Variants in SCN2A observed in about 807,000 individuals in gnomAD.
The protein encoded by SCN2A is sodium channel protein type 2 subunit alpha.
SCN2A carries 20 observed loss-of-function variants against 188.7 expected under a neutral mutation model. The observed-to-expected ratio is 0.11, with a 90% CI of 0.07 to 0.15. The LOEUF (loss-of-function observed/expected upper bound fraction) is 0.15. SCN2A is among the 10% of genes least tolerant of loss of function. The pLI, the probability that SCN2A is intolerant of heterozygous loss-of-function variation, is 1.00. For missense variants in SCN2A, 1,278 were observed against 2,445.0 expected (o/e 0.52, Z 10.07); for synonymous variants, 804 against 833.1 (o/e 0.97, Z 0.60).
chr2:165,353,837 G>A (rs1574663205), intron 16 of SCN2A, among the ~76,000 whole-genome samples: 1 of 152,104 alleles, frequency 6.6e-6, no homozygotes, highest in African/African-American at 2.4e-5. Flanking sequence ...AATTCCACAT[G>A]AGACTTGGGA....
At chr2:165,364,682 T>C (rs993191872) in intron 17 of SCN2A, among the ~76,000 whole-genome samples, 2 of 152,242 alleles carry the variant, frequency 1.3e-5, no homozygotes, top group African/African-American at 4.8e-5. Flanking sequence ...TAAATTTAGA[T>C]GGTTGCTGTT....
chr2:165,258,975 C>T (rs374113534), intron 1 of SCN2A, among the ~76,000 whole-genome samples: 7 of 152,112 alleles, frequency 4.6e-5, no homozygotes, highest in Admixed American at 2.0e-4. Context: ...CAGAAAAGTG[C>T]TTATTGGGTA....
chr2:165,253,096 G>C (rs1694164987), intron 1 of SCN2A, among the ~76,000 whole-genome samples: 1 of 151,978 alleles, frequency 6.6e-6, no homozygotes, highest in African/African-American at 2.4e-5. Context: ...ATGGGGAAGG[G>C]TCATTCTTTA....
Position 165,375,022 on chromosome 2 carries a change from TTTCTTCCTCATAATGAGATA to T in SCN2A, c.4254+58_4254+77del, listed in dbSNP as rs1701236493. 18 of 1,487,376 alleles carry T rather than the reference TTTCTTCCTCATAATGAGATA, an allele frequency of 1.2e-5. No homozygotes were observed. In the East Asian group the frequency reaches 4.1e-4, roughly 34 times the overall value. The allele number at this position is 1,487,376 out of a possible 1,614,324, so 92.1% of individuals were successfully genotyped here. Reference sequence around the variant, plus strand: ...GTGTAATTAAAATGAGTCTAAAGTTTTTCTTCCTCATAATGAGATATCCACCTGTTAGAATGGCTATTATC... The same window carrying T: ...GTGTAATTAAAATGAGTCTAAAGTTTTCCACCTGTTAGAATGGCTATTATC... On this transcript the variant is annotated intron_variant, in intron 22 of 26. Transcript: ENST00000375437.
intron 1 of SCN2A, among the ~76,000 whole-genome samples, chr2:165,287,230 G>T (rs1170965717): frequency 6.6e-6 from 1 of 152,176 alleles, no homozygotes; most frequent in Non-Finnish European, 1.5e-5. Context: ...CCTAGTTATG[G>T]CCTGGTTACG....
chr2:165,280,317 A>G (rs1340773673), intron 1 of SCN2A, among the ~76,000 whole-genome samples: 1 of 152,156 alleles, frequency 6.6e-6, no homozygotes, highest in Non-Finnish European at 1.5e-5. Flanking sequence ...TGTCCTAAGC[A>G]CTAGCGATAG....
intron 25 of SCN2A, among the ~76,000 whole-genome samples, chr2:165,385,130 C>T (rs185208944): frequency 1.3e-5 from 2 of 152,078 alleles, no homozygotes; most frequent in East Asian, 3.9e-4. Context: ...TGTTTGATGT[C>T]CAAAAATCAC....
intron 15 of SCN2A, 55 bp from the exon 16 acceptor site, chr2:165,344,500 T>A (rs1699469319): frequency 8.9e-7 from 1 of 1,126,586 alleles, no homozygotes; most frequent in Non-Finnish European, 1.2e-6. Context: ...AAAATAAAAT[T>A]GCAGATTTTT....
chr2:165,263,161 G>T (rs1367240352), intron 1 of SCN2A, among the ~76,000 whole-genome samples: 1 of 152,148 alleles, frequency 6.6e-6, no homozygotes, highest in Non-Finnish European at 1.5e-5. Context: ...CAGATGTATA[G>T]ATTGTGAATA....
rs1696541870 is a variant in SCN2A at position 165,296,913 on chromosome 2, T to TG, written c.268-104_268-103insG. 5.8e-6 allele frequency: 4 copies of TG among 688,938 alleles called. No individual in the cohort carries two copies. The South Asian group carries it at 7.2e-5, about 12-fold the overall frequency. 42.7% of individuals were successfully genotyped at this position (688,938 alleles called of 1,614,324 possible). ...TGATGGTAATTATTATGTTATACAC[T>TG]ATTTTACAGGGCAATATTTATAAAT... On this transcript the variant is annotated intron_variant, in intron 2 of 26. Coordinates refer to ENST00000375437, the MANE Select transcript of SCN2A (RefSeq NM_001040142.2).
chr2:165,301,004 A>G (rs1462888291), intron 3 of SCN2A, among the ~76,000 whole-genome samples: 1 of 152,140 alleles, frequency 6.6e-6, no homozygotes, highest in African/African-American at 2.4e-5. Context: ...AATGTCATCA[A>G]ATTTTGAGGT....
Position 165,323,379 on chromosome 2 carries a change from C to A in SCN2A, c.1895C>A (p.Ser632Tyr). Residue 632 changes from serine to tyrosine, a missense_variant, in exon 12 of 27, where the codon TCC becomes TAC. Ser to Tyr is a moderately radical substitution (Grantham distance 144). Transcript: ENST00000375437. ...AATGTCAGCCAGGCCAGCCGTGCCTCCAGGGTGCTCCCCATCCTGCCCATG... is the reference window on the plus strand; with the variant it reads ...AATGTCAGCCAGGCCAGCCGTGCCTACAGGGTGCTCCCCATCCTGCCCATG... ...HSNVSQASRA[S>Y]RVLPILPMNG... 6.2e-7 allele frequency: 1 copy of A among 1,614,166 alleles called. No individual in the cohort carries two copies. Among genetic ancestry groups the A allele is most frequent in the Non-Finnish European group, 8.5e-7 (1 of 1,180,020 alleles).
rs1164602091 is a variant in SCN2A at position 165,296,034 on chromosome 2, C to A, written c.211C>A (p.Pro71Thr). ...SLPFIYGDIP[P>T]EMVSVPLEDL... Reference sequence around the variant, plus strand: ...TCCATTTATTTATGGAGACATTCCTCCAGAGATGGTGTCAGTGCCCCTGGA... The same window carrying A: ...TCCATTTATTTATGGAGACATTCCTACAGAGATGGTGTCAGTGCCCCTGGA... The change falls in exon 2 of 27, where the codon CCA (proline) becomes ACA (threonine). Residue 71 changes from proline to threonine, a missense_variant. Transcript: ENST00000375437. The A allele has an allele frequency of 1.9e-6, 3 of 1,613,964 alleles. No homozygotes were observed. Among genetic ancestry groups the A allele is most frequent in the Non-Finnish European group, 2.5e-6 (3 of 1,180,028 alleles).
chr2:165,323,756 G>A (rs779438401), intron 12 of SCN2A, among the ~76,000 whole-genome samples: 1 of 152,002 alleles, frequency 6.6e-6, no homozygotes, highest in African/African-American at 2.4e-5. Context: ...TATGAAACTC[G>A]CCAAAAAGCA....
At chr2:165,348,154 T>C (rs932399098) in intron 16 of SCN2A, among the ~76,000 whole-genome samples, 1 of 152,090 alleles carries the variant, frequency 6.6e-6, no homozygotes, top group Non-Finnish European at 1.5e-5. Context: ...AGGACAGTAG[T>C]TCGCGACCAG....
chr2:165,386,647 A>G (rs570644678), intron 25 of SCN2A, 99 bp from the exon 26 acceptor site: 5 of 1,254,390 alleles, frequency 4.0e-6, no homozygotes, highest in East Asian at 5.0e-5. Context: ...ATGTGTTTTT[A>G]TAAAAGCTAC....
intron 25 of SCN2A, among the ~76,000 whole-genome samples, chr2:165,383,536 C>T (rs551207162): frequency 2.0e-4 from 30 of 152,162 alleles, no homozygotes; most frequent in Non-Finnish European, 4.0e-4. Flanking sequence ...AGTAAGAAAC[C>T]GTTAACGTGG....
At chr2:165,261,722 T>A (rs1694604073) in intron 1 of SCN2A, among the ~76,000 whole-genome samples, 1 of 152,204 alleles carries the variant, frequency 6.6e-6, no homozygotes, top group Non-Finnish European at 1.5e-5. Context: ...TTGCCTGAGC[T>A]TCCCATTGTT....
intron 1 of SCN2A, among the ~76,000 whole-genome samples, chr2:165,278,443 C>T (rs1323630598): frequency 6.6e-6 from 1 of 152,066 alleles, no homozygotes; most frequent in African/African-American, 2.4e-5. Flanking sequence ...GGGGAGAGCC[C>T]CTTATAAAAT....
Sources: gnomAD v4.1 joint callset for allele counts (sites outside exome capture counted in the v4.1 genomes callset) on GRCh38, gnomAD v4.1.1 for gene constraint, MANE v1.5 for transcripts, NCBI Gene and HGNC (gene_info 2026-07-23, HGNC 2026-07-21) for gene names.